Variants in ZFP64 observed in about 807,000 individuals in gnomAD.
ZFP64 encodes ZFP64 zinc finger protein.
ZFP64 carries 14 observed loss-of-function variants against 51.6 expected under a neutral mutation model. The ratio of observed to expected loss-of-function variants is 0.27; its 90% CI spans 0.18 to 0.42. The LOEUF is 0.42. Among genes scored for constraint, ZFP64 ranks in the 10% least tolerant of loss-of-function variants. The pLI, the probability that ZFP64 is intolerant of heterozygous loss-of-function variation, is 1.00. For synonymous variants in ZFP64, 375 were observed against 361.4 expected (o/e 1.04, Z -0.43); for missense variants, 754 against 906.8 (o/e 0.83, Z 2.16).
chr20:52,175,192 G>A (rs573762457), intron 2 of ZFP64, among the ~76,000 whole-genome samples: 149 of 152,202 alleles, frequency 9.8e-4, no homozygotes, highest in Admixed American at 2.3e-3. Flanking sequence ...GCACCATCTC[G>A]GCTCACTGCA....
chr20:52,124,796 G>T (rs998527101), intron 5 of ZFP64, among the ~76,000 whole-genome samples: 1 of 151,802 alleles, frequency 6.6e-6, no homozygotes, highest in African/African-American at 2.4e-5. Flanking sequence ...TAGAGACAGG[G>T]TTTTTCCATG....
chr20:52,097,141 C>A, intron 7 of ZFP64: 1 of 777,164 alleles, frequency 1.3e-6, no homozygotes, highest in East Asian at 2.5e-5. Flanking sequence ...TAAGAAGCCA[C>A]CTTATTGCTC....
intron 5 of ZFP64, among the ~76,000 whole-genome samples, chr20:52,121,763 GAGGAAGATGCCATTT>G (rs1185300565): frequency 6.6e-6 from 1 of 152,232 alleles, no homozygotes; most frequent in Non-Finnish European, 1.5e-5. Flanking sequence ...GCCCCTACTG[GAGGAAGATGCCATTT>G]AGGACATTCA....
intron 2 of ZFP64, among the ~76,000 whole-genome samples, chr20:52,176,517 T>G (rs1428961983): frequency 6.7e-6 from 1 of 150,308 alleles, no homozygotes; most frequent in Non-Finnish European, 1.5e-5. Context: ...TTTTTTTTTT[T>G]TTTGAGACGG....
In ZFP64 at chr20:52,151,989, A is replaced by G; in HGVS notation, c.*157T>C. On this transcript the variant is annotated 3_prime_UTR_variant, in exon 6 of 6. Coordinates refer to ENST00000216923, the MANE Select transcript of ZFP64 (RefSeq NM_018197.3). Reference sequence around the variant, plus strand: ...GAGGCGGACGTTGCAGTGAGCCAAGATAGCGCCACTGCACTCCAGCCTGGG... The same window carrying G: ...GAGGCGGACGTTGCAGTGAGCCAAGGTAGCGCCACTGCACTCCAGCCTGGG... 1 of 1,403,686 alleles carries G rather than the reference A, an allele frequency of 7.1e-7. No homozygotes were observed. The highest frequency in any genetic ancestry group is 9.3e-7 in the Non-Finnish European group (1 of 1,072,304). 87.0% of individuals were successfully genotyped at this position (1,403,686 alleles called of 1,614,324 possible). A position where few individuals can be genotyped will look rare whatever the true frequency, so the allele number is the denominator to read the frequency against.
chr20:52,163,988 A>G (rs1468647860), intron 4 of ZFP64, among the ~76,000 whole-genome samples: 1 of 152,230 alleles, frequency 6.6e-6, no homozygotes, highest in African/African-American at 2.4e-5. Flanking sequence ...CACTCACTGT[A>G]TTCAGTGATA....
intron 5 of ZFP64, among the ~76,000 whole-genome samples, chr20:52,139,300 C>A (rs943894774): frequency 2.0e-5 from 3 of 152,160 alleles, no homozygotes; most frequent in African/African-American, 7.2e-5. Context: ...GTGGTACGTA[C>A]AGCATGGAAT....
intron 2 of ZFP64, among the ~76,000 whole-genome samples, chr20:52,166,302 T>A (rs558422685): frequency 9.7e-4 from 147 of 152,226 alleles, no homozygotes; most frequent in Admixed American, 1.6e-3. Flanking sequence ...GAAAAGCTCA[T>A]CTTGCTGCCC....
intron 2 of ZFP64, among the ~76,000 whole-genome samples, chr20:52,166,492 T>C (rs1323865320): frequency 6.6e-6 from 1 of 151,950 alleles, no homozygotes; most frequent in African/African-American, 2.4e-5. Flanking sequence ...TTTCATTTTG[T>C]CACCCAGGCT....
intron 2 of ZFP64, among the ~76,000 whole-genome samples, chr20:52,176,259 A>C (rs2123090206): frequency 6.6e-6 from 1 of 152,290 alleles, no homozygotes; most frequent in East Asian, 1.9e-4. Context: ...TCTCTTAAAA[A>C]AACCCAAACT....
At chr20:52,186,546 G>A (rs1022240863) in intron 2 of ZFP64, among the ~76,000 whole-genome samples, 2 of 150,862 alleles carry the variant, frequency 1.3e-5, no homozygotes, top group African/African-American at 4.9e-5. Flanking sequence ...TTTTCTGCCA[G>A]CCTTTTTTTT....
chr20:52,125,845 G>T (rs1019450264), intron 5 of ZFP64, among the ~76,000 whole-genome samples: 4 of 152,006 alleles, frequency 2.6e-5, no homozygotes, highest in Admixed American at 2.6e-4. Context: ...CTAATTGACT[G>T]CCTACTGTGT....
downstream of ZFP64, among the ~76,000 whole-genome samples, chr20:52,146,376 A>T (rs1261319331): frequency 6.7e-6 from 1 of 148,186 alleles, no homozygotes; most frequent in Non-Finnish European, 1.5e-5. Flanking sequence ...TGGCACATAT[A>T]CACCATGGAA....
At chr20:52,132,110 C>T (rs574892953) in intron 5 of ZFP64, among the ~76,000 whole-genome samples, 2 of 152,134 alleles carry the variant, frequency 1.3e-5, no homozygotes, top group East Asian at 3.9e-4. Context: ...AAACAACATG[C>T]TCCTGAATGA....
chr20:52,136,078 G>A (rs548798342), intron 5 of ZFP64, among the ~76,000 whole-genome samples: 8 of 115,074 alleles, frequency 7.0e-5, no homozygotes, highest in Non-Finnish European at 9.9e-5. Context: ...CAGCCTAGGC[G>A]ATGGAGGGAG....
chr20:52,127,100 C>T (rs1347306497), intron 5 of ZFP64, among the ~76,000 whole-genome samples: 6 of 151,876 alleles, frequency 4.0e-5, no homozygotes, highest in African/African-American at 1.2e-4. Flanking sequence ...TACAGGCGTG[C>T]GCCACCACAC....
chr20:52,140,148 T>C (rs1980187587), intron 5 of ZFP64, among the ~76,000 whole-genome samples: 1 of 152,094 alleles, frequency 6.6e-6, no homozygotes, highest in Non-Finnish European at 1.5e-5. Context: ...CCGTTCCCCA[T>C]CTCTCTCCCT....
intron 5 of ZFP64, among the ~76,000 whole-genome samples, chr20:52,102,107 C>CCAAAAAAAAAAA (rs551838560): frequency 9.5e-5 from 6 of 63,424 alleles, no homozygotes; most frequent in African/African-American, 3.4e-4. Context: ...ACTCCATCTC[C>CCAAAAAAAAAAA]AAAAAAAAAA....
At chr20:52,169,044 G>A (rs939151444) in intron 2 of ZFP64, among the ~76,000 whole-genome samples, 1 of 152,126 alleles carries the variant, frequency 6.6e-6, no homozygotes, top group African/African-American at 2.4e-5. Flanking sequence ...TATAAGTTCA[G>A]GTTTGATCAT....
Sources: gnomAD v4.1 joint callset for allele counts (sites outside exome capture counted in the v4.1 genomes callset) on GRCh38, gnomAD v4.1.1 for gene constraint, MANE v1.5 for transcripts, NCBI Gene and HGNC (gene_info 2026-07-23, HGNC 2026-07-21) for gene names.